IK: variants seen among roughly 807,000 people sequenced by gnomAD.
IK encodes the protein protein Red.
IK carries 47 observed loss-of-function variants against 90.9 expected under a neutral mutation model. The observed-to-expected ratio is 0.52, with a 90% CI of 0.41 to 0.66. IK has a LOEUF of 0.66. IK is among the 30% of genes least tolerant of loss of function. The probability of loss-of-function intolerance (pLI) is 0.00; values close to 1 mark genes in which losing one functional copy is unlikely to be tolerated. For missense variants in IK, 385 were observed against 709.3 expected (o/e 0.54, Z 5.19); for synonymous variants, 201 against 227.5 (o/e 0.88, Z 1.05).
Position 140,661,784 on chromosome 5 carries a change from A to C in IK, c.1502+76A>C. The C allele has an allele frequency of 2.1e-6, 3 of 1,414,610 alleles. No homozygotes were observed. The highest frequency in any genetic ancestry group is 2.9e-6 in the Non-Finnish European group (3 of 1,019,534). 87.6% of individuals were successfully genotyped at this position (1,414,610 alleles called of 1,614,324 possible). A position where few individuals can be genotyped will look rare whatever the true frequency, so the allele number is the denominator to read the frequency against. ...GGTGGAATAGTGCATATAAGGTTAG[A>C]GGGTGTGGTCTGGCTGAGATGTTCC... On this transcript the variant is annotated intron_variant, in intron 17 of 19. Coordinates refer to ENST00000417647, the MANE Select transcript of IK (RefSeq NM_006083.4). This position sits in a 1 kb window ranked among gnomAD's most constrained non-coding sequence, Gnocchi z 4.2.
At chr5:140,660,639 T>G in intron 15 of IK, 119 bp from the exon 16 acceptor site, 1 of 718,680 alleles carries the variant, frequency 1.4e-6, no homozygotes, top group Non-Finnish European at 2.4e-6. Flanking sequence ...TATTAGGCTC[T>G]AAGTGGGAGG....
chr5:140,653,542 T>C (rs1418354746), intron 5 of IK, among the ~76,000 whole-genome samples: 2 of 151,654 alleles, frequency 1.3e-5, no homozygotes, highest in Admixed American at 6.6e-5. Context: ...CTCGGCCTGC[T>C]GAAGTGCTGG....
chr5:140,654,209 A>C (rs768935334), intron 6 of IK, among the ~76,000 whole-genome samples, 157 bp downstream of exon 6: 1 of 152,208 alleles, frequency 6.6e-6, no homozygotes, highest in Non-Finnish European at 1.5e-5. Context: ...TCATCCTTCA[A>C]GTATCAGGCC....
At chr5:140,651,969 A>G (rs1757623109) in intron 3 of IK, 119 bp from the exon 4 acceptor site, 1 of 883,940 alleles carries the variant, frequency 1.1e-6, no homozygotes, top group Non-Finnish European at 1.9e-6. Flanking sequence ...TTTCTGCTTG[A>G]TTGAAAGTGT....
Position 140,662,283 on chromosome 5 carries a change from A to G in IK, c.1647-19A>G. 1 of 1,613,986 alleles carries G rather than the reference A, an allele frequency of 6.2e-7. No individual in the cohort carries two copies. The highest frequency in any genetic ancestry group is 8.5e-7 in the Non-Finnish European group (1 of 1,179,882). The stretch of plus-strand genomic sequence containing the variant: ...TAGTGTATTGATCTTATACTGACCC[A>G]TTTCTCCTTCCATTGCAGGGTTGAA... On this transcript the variant is annotated intron_variant, in intron 19 of 19. Transcript: ENST00000417647.
intron 2 of IK, 123 bp downstream of exon 2, chr5:140,648,660 CT>C: frequency 4.2e-6 from 4 of 955,880 alleles, no homozygotes; most frequent in Non-Finnish European, 6.7e-6. Context: ...CCCGCTGGCC[CT>C]TTATCTCTGT....
At chr5:140,653,651 C>G (rs1216327717) in intron 5 of IK, among the ~76,000 whole-genome samples, 1 of 135,494 alleles carries the variant, frequency 7.4e-6, no homozygotes, top group African/African-American at 2.8e-5. Flanking sequence ...GTTGCCCAGG[C>G]TGGAGTGCAG....
chr5:140,662,471 T>G lies in IK; in HGVS notation c.*142T>G. On this transcript the variant is annotated 3_prime_UTR_variant, in exon 20 of 20. Coordinates refer to ENST00000417647, the MANE Select transcript of IK (RefSeq NM_006083.4). Reference sequence around the variant, plus strand: ...ATTACTTGGTTCCATTAAAATTGGTTAACTTGCTATTTTCTTTGTTGAGCA... The same window carrying G: ...ATTACTTGGTTCCATTAAAATTGGTGAACTTGCTATTTTCTTTGTTGAGCA... 14 of 876,202 alleles carry G rather than the reference T, an allele frequency of 1.6e-5. No homozygotes were observed. The highest frequency in any genetic ancestry group is 2.5e-5 in the Non-Finnish European group (14 of 550,110). 54.3% of individuals were successfully genotyped at this position (876,202 alleles called of 1,614,324 possible).
chr5:140,648,215 G>T (rs1385105936), intron 1 of IK: 2 of 703,830 alleles, frequency 2.8e-6, no homozygotes, highest in Admixed American at 4.0e-5. Flanking sequence ...CCTGGGTTGC[G>T]CGTATTTATC....
rs376881782 is a variant in IK at position 140,660,076 on chromosome 5, G to C, written c.1275-39G>C. On this transcript the variant is annotated intron_variant, in intron 14 of 19. Transcript: ENST00000417647. Reference sequence around the variant, plus strand: ...TCCTGGCTGAAGCTTTACAGCAATAGGTAGAATCCTGTGTAGTGTTTTCTT... The same window carrying C: ...TCCTGGCTGAAGCTTTACAGCAATACGTAGAATCCTGTGTAGTGTTTTCTT... 4.1e-4 allele frequency: 642 copies of C among 1,566,644 alleles called. 1 individual carries two copies. The Middle Eastern group carries it at 6.6e-3, about 16-fold the overall frequency.
intron 4 of IK, among the ~76,000 whole-genome samples, chr5:140,652,366 A>G (rs1409155561): frequency 6.6e-6 from 1 of 152,120 alleles, no homozygotes; most frequent in Non-Finnish European, 1.5e-5. Context: ...TAACCTAGAC[A>G]TTTGCTTAGC....
At chr5:140,653,535 G>A (rs1462910089) in intron 5 of IK, among the ~76,000 whole-genome samples, 1 of 151,096 alleles carries the variant, frequency 6.6e-6, no homozygotes, top group Non-Finnish European at 1.5e-5. Flanking sequence ...CACCCGCCTC[G>A]GCCTGCTGAA....
At position 140,658,642 on chromosome 5, in the gene IK, G is replaced by A. The variant is rs73271559; in HGVS notation, c.911-95G>A. On this transcript the variant is annotated intron_variant, in intron 10 of 19. Coordinates refer to ENST00000417647, the MANE Select transcript of IK (RefSeq NM_006083.4). The stretch of plus-strand genomic sequence containing the variant: ...GCCTTGACCCACGTTTTAAACAGAA[G>A]ATGTTTAAAAGGGCATTAAGAGCTG... 1.0e-3 allele frequency: 1,048 copies of A among 1,043,666 alleles called. 6 individuals carry two copies. The African/African-American group carries it at 0.015, about 15-fold the overall frequency. 64.7% of individuals were successfully genotyped at this position (1,043,666 alleles called of 1,614,324 possible). A position where few individuals can be genotyped will look rare whatever the true frequency, so the allele number is the denominator to read the frequency against.
intron 6 of IK, 35 bp downstream of exon 6, chr5:140,654,087 T>C: frequency 8.5e-7 from 1 of 1,181,846 alleles, no homozygotes; most frequent in Non-Finnish European, 1.3e-6. Flanking sequence ...AGTAATACTG[T>C]CGTGCTGAAT....
rs756590607 is a variant in IK, at chr5:140,659,084, C to T, written c.1096C>T (p.Arg366Ter). The change falls in exon 12 of 20, where the codon CGA (arginine) becomes TGA (stop). Residue 366 changes from arginine (R) to a stop codon, truncating the protein, a stop_gained. Coordinates refer to ENST00000417647, the MANE Select transcript of IK (RefSeq NM_006083.4). LOFTEE classifies it high-confidence loss of function. ...RERERERDRE[R>*]ERERDREREE... ...GCGAGAGCGAGAACGAGATCGGGAACGAGAGCGAGAGCGGGACCGAGAGAG... is the reference window on the plus strand; with the variant it reads ...GCGAGAGCGAGAACGAGATCGGGAATGAGAGCGAGAGCGGGACCGAGAGAG... 5.6e-6 allele frequency: 9 copies of T among 1,612,492 alleles called. No individual in the cohort carries two copies. The highest frequency in any genetic ancestry group is 1.7e-5 in the Admixed American group (1 of 59,860).
intron 13 of IK, 61 bp from the exon 14 acceptor site, chr5:140,659,695 G>C (rs1248787512): frequency 5.7e-6 from 6 of 1,060,438 alleles, no homozygotes; most frequent in Non-Finnish European, 8.6e-6. Context: ...TAAGTGTGTT[G>C]TGGGGAGGAG....
In IK at chr5:140,661,480, A is replaced by G. The variant is rs1757801973; in HGVS notation, c.1414-140A>G. 1.6e-6 allele frequency: 1 copy of G among 631,216 alleles called. No individual in the cohort carries two copies. 39.1% of individuals were successfully genotyped at this position (631,216 alleles called of 1,614,324 possible). A position where few individuals can be genotyped will look rare whatever the true frequency, so the allele number is the denominator to read the frequency against. ...GTCACATAGTAAGTATGTAATAAGC[A>G]TTTATTATTACTTATCAGGGTATGA... On this transcript the variant is annotated intron_variant, in intron 16 of 19. Coordinates refer to ENST00000417647, the MANE Select transcript of IK (RefSeq NM_006083.4). The surrounding 1 kb of genome is among the most constrained non-coding windows in gnomAD (Gnocchi z 4.2).
In IK at chr5:140,661,519, G is replaced by A; in HGVS notation, c.1414-101G>A. The A allele has an allele frequency of 1.4e-6, 1 of 717,904 alleles. No homozygotes were observed. Among genetic ancestry groups the A allele is most frequent in the Non-Finnish European group, 2.4e-6 (1 of 416,848 alleles). The allele number at this position is 717,904 out of a possible 1,614,324, so 44.5% of individuals were successfully genotyped here. ...ATCAGGGTATGATTTATGAATTGTG[G>A]AACCTGGGATTATGGGAGAGTCTGG... On this transcript the variant is annotated intron_variant, in intron 16 of 19. Transcript: ENST00000417647. The surrounding 1 kb of genome is among the most constrained non-coding windows in gnomAD (Gnocchi z 4.2).
At chr5:140,650,730 C>T (rs981932233) in intron 2 of IK, among the ~76,000 whole-genome samples, 1 of 152,140 alleles carries the variant, frequency 6.6e-6, no homozygotes, top group African/African-American at 2.4e-5. Context: ...GCGCCCACCA[C>T]AACGCCCAGC....
Sources: allele counts gnomAD v4.1 joint callset (sites outside exome capture counted in the v4.1 genomes callset), GRCh38; gene constraint gnomAD v4.1.1; non-coding constraint Gnocchi (gnomAD v3.1); transcripts MANE v1.5; gene names NCBI Gene and HGNC (gene_info 2026-07-23, HGNC 2026-07-21).